The following VPS37C variants were observed in gnomAD, a reference collection of about 807,000 sequenced individuals.
VPS37C encodes VPS37C subunit of ESCRT-I.
Under a neutral mutation model 16.1 loss-of-function variants are expected in VPS37C, and 9 were observed. That is an observed-to-expected ratio of 0.56 (90% CI 0.34 to 0.97). The LOEUF (loss-of-function observed/expected upper bound fraction) is 0.97. VPS37C is among the 50% of genes least tolerant of loss of function. The pLI is 0.02. For synonymous variants in VPS37C, 207 were observed against 206.4 expected, an observed-to-expected ratio of 1.00 and a Z score of -0.02; for missense variants, 479 against 472.7, an observed-to-expected ratio of 1.01 and a Z score of -0.12.
At position 61,131,669 on chromosome 11, in the gene VPS37C, A is replaced by C; in HGVS notation, c.*151T>G. ...AGTGCCATGACCAGTCACACCGCCC[A>C]GTGCCTTGTCCCTCCAAGGCCTCTG... On this transcript the variant is annotated 3_prime_UTR_variant, in exon 5 of 5. Transcript: ENST00000301765. The C allele has an allele frequency of 9.2e-7, 1 of 1,091,534 alleles. No individual in the cohort carries two copies. The highest frequency in any genetic ancestry group is 1.2e-6 in the Non-Finnish European group (1 of 860,498). The allele number at this position is 1,091,534 out of a possible 1,614,324, so 67.6% of individuals were successfully genotyped here.
At chr11:61,151,398 T>C (rs576111426) in intron 1 of VPS37C, among the ~76,000 whole-genome samples, 1 of 152,302 alleles carries the variant, frequency 6.6e-6, no homozygotes, top group South Asian at 2.1e-4. Flanking sequence ...AGTGCCTCCT[T>C]TGAAACTCAG....
At chr11:61,159,878 G>A (rs1285522657) in intron 1 of VPS37C, among the ~76,000 whole-genome samples, 1 of 139,266 alleles carries the variant, frequency 7.2e-6, no homozygotes, top group Non-Finnish European at 1.5e-5. Context: ...CTCCAGCCTG[G>A]GCGACAGATC....
At chr11:61,135,962 G>A (rs985533384) in intron 2 of VPS37C, among the ~76,000 whole-genome samples, 6 of 152,122 alleles carry the variant, frequency 3.9e-5, no homozygotes, top group South Asian at 2.1e-4. Context: ...CTTTCTCCAC[G>A]AAGTGGGTCA....
At chr11:61,160,064 G>A (rs1007326390) in intron 1 of VPS37C, among the ~76,000 whole-genome samples, 4 of 152,112 alleles carry the variant, frequency 2.6e-5, no homozygotes, top group African/African-American at 4.8e-5. Flanking sequence ...GAAAGCCCTA[G>A]AACAGTGCCC....
At chr11:61,134,230 C>T in intron 2 of VPS37C, 23 bp from the exon 3 acceptor site, 1 of 1,596,744 alleles carries the variant, frequency 6.3e-7, no homozygotes, top group Admixed American at 1.7e-5. Flanking sequence ...GACAACAGAA[C>T]CTAAGGAAAA....
Position 61,131,534 on chromosome 11 carries a change from A to C in VPS37C, c.*286T>G. The C allele has an allele frequency of 2.7e-6, 1 of 368,358 alleles. No homozygotes were observed. 22.8% of individuals were successfully genotyped at this position (368,358 alleles called of 1,614,324 possible). ...TGCTCATAAATGCGCACATGCGCTC[A>C]CTCACACAGACACCGGCGAGAGGTG... On this transcript the variant is annotated 3_prime_UTR_variant, in exon 5 of 5. Coordinates refer to ENST00000301765, the MANE Select transcript of VPS37C (RefSeq NM_017966.5).
chr11:61,133,702 G>A (rs1215012075), intron 3 of VPS37C, among the ~76,000 whole-genome samples: 3 of 152,228 alleles, frequency 2.0e-5, no homozygotes, highest in African/African-American at 4.8e-5. Context: ...AAAGGTGACA[G>A]GTCCTGGGAC....
intron 1 of VPS37C, among the ~76,000 whole-genome samples, chr11:61,151,227 T>C (rs1565196001): frequency 6.6e-6 from 1 of 152,196 alleles, no homozygotes; most frequent in Non-Finnish European, 1.5e-5. Flanking sequence ...TACGGATATC[T>C]TCAACTAGAC....
rs1861261105 is a variant in VPS37C, at chr11:61,131,623, C to A, written c.*197G>T. ...CTGAAAGGAGGGGCTTCCAGGAGGA[C>A]CTCTGGCCAGAAGGCCAGCAAGTGC... On this transcript the variant is annotated 3_prime_UTR_variant, in exon 5 of 5. Transcript: ENST00000301765. 5.4e-6 allele frequency: 4 copies of A among 747,234 alleles called. No homozygotes were observed. The highest frequency in any genetic ancestry group is 7.3e-6 in the Non-Finnish European group (4 of 545,964). 46.3% of individuals were successfully genotyped at this position (747,234 alleles called of 1,614,324 possible).
chr11:61,159,271 T>C (rs1477338597), intron 1 of VPS37C, among the ~76,000 whole-genome samples: 1 of 152,232 alleles, frequency 6.6e-6, no homozygotes, highest in African/African-American at 2.4e-5. Context: ...TTAAAGGCAG[T>C]GTTTCCCAAA....
In VPS37C at chr11:61,131,671, T is replaced by G; in HGVS notation, c.*149A>C. The G allele has an allele frequency of 3.6e-6, 4 of 1,101,716 alleles. No individual in the cohort carries two copies. The highest frequency in any genetic ancestry group is 4.6e-6 in the Non-Finnish European group (4 of 869,744). The allele number at this position is 1,101,716 out of a possible 1,614,324, so 68.2% of individuals were successfully genotyped here. Reference sequence around the variant, plus strand: ...TGCCATGACCAGTCACACCGCCCAGTGCCTTGTCCCTCCAAGGCCTCTGGG... The same window carrying G: ...TGCCATGACCAGTCACACCGCCCAGGGCCTTGTCCCTCCAAGGCCTCTGGG... On this transcript the variant is annotated 3_prime_UTR_variant, in exon 5 of 5. Coordinates refer to ENST00000301765, the MANE Select transcript of VPS37C (RefSeq NM_017966.5).
Position 61,158,631 on chromosome 11 carries a change from GA to G in VPS37C, c.-7+2759del, listed in dbSNP as rs1479446706. ...TGAGGTGGGACCAGATAAATCAGCG[GA>G]ACTAAAAATACTAACAGGTCTTCAA... is the stretch of plus-strand genomic sequence containing the variant. On this transcript the variant is annotated intron_variant, in intron 1 of 4. Coordinates refer to ENST00000301765, the MANE Select transcript of VPS37C (RefSeq NM_017966.5). Among the ~76,000 whole-genome samples, 3 of 152,152 alleles carry G rather than the reference GA, an allele frequency of 2.0e-5. No individual in the cohort carries two copies. The East Asian group carries it at 5.8e-4, about 29-fold the overall frequency.
chr11:61,146,863 C>G (rs2134645821), intron 1 of VPS37C, among the ~76,000 whole-genome samples: 1 of 152,274 alleles, frequency 6.6e-6, no homozygotes, highest in East Asian at 1.9e-4. Context: ...ACCAGAGGTC[C>G]CAACCCCAGT....
chr11:61,130,527 T>C lies in VPS37C; in HGVS notation c.*1293A>G. ...GCCCACCAGATGCTGCGTCCTCAGGTAGTGGACATTTCAAGGCACGTACAA... is the reference window on the plus strand; with the variant it reads ...GCCCACCAGATGCTGCGTCCTCAGGCAGTGGACATTTCAAGGCACGTACAA... On this transcript the variant is annotated 3_prime_UTR_variant, in exon 5 of 5. Transcript: ENST00000301765. The C allele has an allele frequency of 4.3e-6, 1 of 231,606 alleles. No homozygotes were observed. The highest frequency in any genetic ancestry group is 8.5e-6 in the Non-Finnish European group (1 of 118,164). The allele number at this position is 231,606 out of a possible 1,614,324, so 14.3% of individuals were successfully genotyped here.
chr11:61,147,027 T>C (rs1422620313), intron 1 of VPS37C, among the ~76,000 whole-genome samples: 2 of 152,134 alleles, frequency 1.3e-5, no homozygotes, highest in Non-Finnish European at 2.9e-5. Context: ...AATCTACATC[T>C]AGGTGCATCT....
intron 1 of VPS37C, among the ~76,000 whole-genome samples, chr11:61,148,361 G>A (rs1853247932): frequency 6.6e-6 from 1 of 152,070 alleles, no homozygotes; most frequent in Non-Finnish European, 1.5e-5. Context: ...CTGTTACCAG[G>A]GCAACTTGCA....
At chr11:61,156,016 A>C (rs1853371039) in intron 1 of VPS37C, among the ~76,000 whole-genome samples, 1 of 152,218 alleles carries the variant, frequency 6.6e-6, no homozygotes, top group South Asian at 2.1e-4. Context: ...TATCGCTTGA[A>C]GATAGGCTGT....
chr11:61,154,515 C>T (rs1195346260), intron 1 of VPS37C, among the ~76,000 whole-genome samples: 1 of 151,666 alleles, frequency 6.6e-6, no homozygotes, highest in Non-Finnish European at 1.5e-5. Context: ...AGAAACTAAC[C>T]AGAACAAACC....
intron 1 of VPS37C, 61 bp downstream of exon 1, chr11:61,161,330 C>T (rs1853470623): frequency 6.6e-6 from 1 of 152,120 alleles, no homozygotes; most frequent in African/African-American, 2.4e-5. Flanking sequence ...GCCGCCCCCA[C>T]CGTCGTCCTC....
Sources: gnomAD v4.1 joint callset for allele counts (sites outside exome capture counted in the v4.1 genomes callset) on GRCh38, gnomAD v4.1.1 for gene constraint, MANE v1.5 for transcripts, NCBI Gene and HGNC (gene_info 2026-07-23, HGNC 2026-07-21) for gene names.